The following PDK3 variants were observed in gnomAD, a reference collection of about 807,000 sequenced individuals.
PDK3 encodes the protein pyruvate dehydrogenase kinase 3, also known as pyruvate dehydrogenase kinase, isozyme 3.
Under a neutral mutation model 32.0 loss-of-function variants are expected in PDK3, and 12 were observed. The observed-to-expected ratio is 0.37, with a 90% CI of 0.24 to 0.61. The LOEUF is 0.61. PDK3 is among the 20% of genes least tolerant of loss of function. The pLI is 0.65. For synonymous variants in PDK3, 122 were observed against 116.3 expected (o/e 1.05, Z -0.31); for missense variants, 188 against 316.9 (o/e 0.59, Z 3.09).
At chrX:24,505,160 C>T in intron 4 of PDK3, 49 bp from the exon 5 acceptor site, 2 of 939,437 alleles carry the variant, frequency 2.1e-6, no homozygotes, top group South Asian at 2.1e-5. Context: ...TGTGACCATC[C>T]CAGCCTGCTG....
intron 6 of PDK3, among the ~76,000 whole-genome samples, chrX:24,523,594 G>A: frequency 8.9e-6 from 1 of 112,636 alleles, no homozygotes; most frequent in Non-Finnish European, 1.9e-5. Context: ...AAAGAGCATG[G>A]AGGGATGACG....
chrX:24,510,875 CCT>C (rs1475973861), intron 5 of PDK3, among the ~76,000 whole-genome samples: 3 of 112,417 alleles, frequency 2.7e-5, no homozygotes, highest in African/African-American at 9.7e-5. Context: ...AACCTGCAGG[CCT>C]CTCTTTTCCT....
chrX:24,526,218 A>G lies in PDK3; in HGVS notation c.694A>G (p.Ile232Val). ...EFNAKAPDKP[I>V]QVVYVPSHLF... ...TTCAGCCAAAGCGCCAGACAAACCT[A>G]TTCAGGTGGTTTATGTGCCCTCACA... The change falls in exon 7 of 11, where the codon ATT becomes GTT. Residue 232 changes from isoleucine to valine, a missense_variant. Ile to Val is a conservative substitution (Grantham distance 29, BLOSUM62 3). Coordinates refer to ENST00000379162, the MANE Select transcript of PDK3 (RefSeq NM_005391.5). The G allele has an allele frequency of 8.3e-7, 1 of 1,207,406 alleles. No homozygotes were observed. Among genetic ancestry groups the G allele is most frequent in the Non-Finnish European group, 1.1e-6 (1 of 891,565 alleles).
chrX:24,486,909 G>A (rs180774238), intron 1 of PDK3, among the ~76,000 whole-genome samples: 9 of 111,965 alleles, frequency 8.0e-5, no homozygotes, highest in African/African-American at 1.3e-4. Context: ...GGGATTACAG[G>A]CATAATTGGC....
At chrX:24,484,633 T>G (rs1189053967) in intron 1 of PDK3, among the ~76,000 whole-genome samples, 1 of 112,313 alleles carries the variant, frequency 8.9e-6, no homozygotes, top group African/African-American at 3.2e-5. Flanking sequence ...CCAATCACCT[T>G]CGTACCCCCT....
downstream of PDK3, among the ~76,000 whole-genome samples, chrX:24,538,366 T>C: frequency 8.9e-6 from 1 of 112,440 alleles, no homozygotes; most frequent in East Asian, 2.8e-4. Context: ...TTAGTAAGTA[T>C]GGTAAATTCA....
intron 5 of PDK3, among the ~76,000 whole-genome samples, chrX:24,509,584 C>A (rs1038401924): frequency 9.0e-6 from 1 of 111,166 alleles, no homozygotes; most frequent in Non-Finnish European, 1.9e-5. Flanking sequence ...GCAGGAAGGA[C>A]TGGCATGCTC....
intron 5 of PDK3, among the ~76,000 whole-genome samples, chrX:24,508,551 G>A (rs961241157): frequency 9.0e-6 from 1 of 111,241 alleles, no homozygotes; most frequent in African/African-American, 3.3e-5. Flanking sequence ...AGAACAGAGC[G>A]ATTAAGTGGT....
intron 1 of PDK3, among the ~76,000 whole-genome samples, chrX:24,479,920 C>T (rs1226584736): frequency 8.9e-6 from 1 of 112,078 alleles, no homozygotes; most frequent in Non-Finnish European, 1.9e-5. Flanking sequence ...GCCCATTTTA[C>T]CAATTAGGAA....
chrX:24,507,635 G>A (rs182483683), intron 5 of PDK3, among the ~76,000 whole-genome samples: 241 of 112,238 alleles, frequency 2.1e-3, no homozygotes, highest in African/African-American at 7.3e-3. Flanking sequence ...TCCCATGTAC[G>A]CCATTGATTA....
chrX:24,496,237 C>T (rs948433524), intron 2 of PDK3, among the ~76,000 whole-genome samples: 3 of 110,048 alleles, frequency 2.7e-5, no homozygotes, highest in African/African-American at 1.0e-4. Context: ...ACATTGTTAA[C>T]ATTTGGCAAC....
rs770042736 is a variant in PDK3 at position 24,473,394 on chromosome X, CAAAAACAAAA to C, written c.106+7837_106+7846del. 5.5e-5 allele frequency among the ~76,000 whole-genome samples: 6 copies of C among 108,889 alleles called. No homozygotes were observed. In the East Asian group the frequency reaches 1.5e-3, roughly 27 times the overall value. 94.6% of individuals were successfully genotyped at this position (108,889 alleles called of 115,157 possible). A position where few individuals can be genotyped will look rare whatever the true frequency, so the allele number is the denominator to read the frequency against. The stretch of plus-strand genomic sequence containing the variant: ...TCAAAAAACAAAACAAACAAACAAA[CAAAAACAAAA>C]AAACCAACCACACATTTGTTGAATT... On this transcript the variant is annotated intron_variant, in intron 1 of 10. Coordinates refer to ENST00000379162, the MANE Select transcript of PDK3 (RefSeq NM_005391.5).
chrX:24,519,355 C>G (rs1337765207), intron 6 of PDK3, among the ~76,000 whole-genome samples: 1 of 103,996 alleles, frequency 9.6e-6, no homozygotes, highest in East Asian at 2.9e-4. Flanking sequence ...AACAAAAACA[C>G]AGACAAATGC....
At chrX:24,494,482 C>T (rs941962514) in intron 1 of PDK3, among the ~76,000 whole-genome samples, 10 of 111,668 alleles carry the variant, frequency 9.0e-5, no homozygotes, top group Admixed American at 4.8e-4. Flanking sequence ...TTTGTATTGC[C>T]GCTGGTAACA....
intron 5 of PDK3, among the ~76,000 whole-genome samples, chrX:24,507,634 C>T (rs1039466412): frequency 8.9e-6 from 1 of 112,119 alleles, no homozygotes; most frequent in African/African-American, 3.2e-5. Flanking sequence ...TTCCCATGTA[C>T]GCCATTGATT....
chrX:24,549,370 A>G (rs1923056486), exon 12 of PDK3: 1 of 112,172 alleles, frequency 8.9e-6, no homozygotes, highest in Admixed American at 9.5e-5. Flanking sequence ...TGAATTGTGC[A>G]TCTATTTAAA....
At chrX:24,501,977 T>C (rs1444310023) in intron 3 of PDK3, among the ~76,000 whole-genome samples, 2 of 112,272 alleles carry the variant, frequency 1.8e-5, no homozygotes, top group East Asian at 5.5e-4. Context: ...TTTGCATTGA[T>C]AGCAGATCCT....
rs367624602 is a variant in PDK3 at position 24,484,705 on chromosome X, G to A, written c.107-10037G>A. Among the ~76,000 whole-genome samples the A allele has an allele frequency of 9.8e-5, 11 of 111,909 alleles. No individual in the cohort carries two copies. In the East Asian group the frequency reaches 2.8e-3, roughly 29 times the overall value. On this transcript the variant is annotated intron_variant, in intron 1 of 10. Transcript: ENST00000379162. Reference sequence around the variant, plus strand: ...GTACCACGGGTGTCAGACCCCATTAGGAAGCTCTGCATATAGTAGCATATT... The same window carrying A: ...GTACCACGGGTGTCAGACCCCATTAAGAAGCTCTGCATATAGTAGCATATT...
At chrX:24,550,128 G>C (rs1004842012) in exon 12 of PDK3, 1 of 112,044 alleles carries the variant, frequency 8.9e-6, no homozygotes, top group African/African-American at 3.2e-5. Context: ...CCTACTTACA[G>C]TGATAAATGT....
Sources: gnomAD v4.1 joint callset for allele counts (sites outside exome capture counted in the v4.1 genomes callset) on GRCh38, gnomAD v4.1.1 for gene constraint, MANE v1.5 for transcripts, NCBI Gene and HGNC (gene_info 2026-07-23, HGNC 2026-07-21) for gene names.